The following CCDC178 variants were observed in gnomAD, a reference collection of about 807,000 sequenced individuals.
CCDC178 encodes the protein coiled-coil domain containing 178.
CCDC178 carries 126 observed loss-of-function variants against 117.4 expected under a neutral mutation model. That is an observed-to-expected ratio of 1.07 (90% CI 0.93 to 1.24). CCDC178 has a LOEUF of 1.24. Among genes scored for constraint, CCDC178 ranks in the 50% most tolerant of loss-of-function variants. The pLI is 0.00. For synonymous variants in CCDC178, 283 were observed against 313.4 expected (o/e 0.90, Z 1.02); for missense variants, 1,030 against 986.9 (o/e 1.04, Z -0.59).
At chr18:33,366,111 T>C (rs2063202306) in intron 6 of CCDC178, among the ~76,000 whole-genome samples, 1 of 152,054 alleles carries the variant, frequency 6.6e-6, no homozygotes, top group Admixed American at 6.6e-5. Flanking sequence ...GACTGATCTT[T>C]TACTCATTCA....
chr18:33,091,324 C>CTTTTTTTTTT (rs746505005), intron 21 of CCDC178, among the ~76,000 whole-genome samples: 2,076 of 43,870 alleles, frequency 0.047, 737 homozygotes, highest in East Asian at 0.069. Context: ...TTATTTCATT[C>CTTTTTTTTTT]TTTTTTTTTT....
intron 2 of CCDC178, among the ~76,000 whole-genome samples, chr18:33,430,392 G>A (rs1286333824): frequency 6.6e-6 from 1 of 152,122 alleles, no homozygotes; most frequent in Non-Finnish European, 1.5e-5. Context: ...TGTGTTCATT[G>A]CACAATTTCC....
chr18:33,210,590 A>G (rs556962427), intron 20 of CCDC178, among the ~76,000 whole-genome samples: 1 of 152,194 alleles, frequency 6.6e-6, no homozygotes, highest in South Asian at 2.1e-4. Context: ...TTGAATTCAA[A>G]TAACTAATTC....
At chr18:33,354,576 T>C (rs1473452156) in intron 7 of CCDC178, among the ~76,000 whole-genome samples, 1 of 152,010 alleles carries the variant, frequency 6.6e-6, no homozygotes, top group African/African-American at 2.4e-5. Context: ...GTGAAGTTTT[T>C]AATTTCAGTT....
chr18:33,324,490 G>T (rs754143632), intron 10 of CCDC178, among the ~76,000 whole-genome samples: 1 of 151,868 alleles, frequency 6.6e-6, no homozygotes, highest in Non-Finnish European at 1.5e-5. Flanking sequence ...ATTAATATTG[G>T]TTGCCAAATT....
chr18:33,077,810 C>A (rs879641318), intron 21 of CCDC178, among the ~76,000 whole-genome samples: 7 of 152,038 alleles, frequency 4.6e-5, no homozygotes, highest in Non-Finnish European at 1.0e-4. Context: ...TCAAAAACAG[C>A]CCAGGACCAG....
chr18:33,403,385 C>T (rs1351133515), intron 3 of CCDC178, among the ~76,000 whole-genome samples: 1 of 151,876 alleles, frequency 6.6e-6, no homozygotes, highest in African/African-American at 2.4e-5. Context: ...CTACAAAAAT[C>T]AGCAGGGAAA....
chr18:33,160,925 C>T (rs1267921994), intron 20 of CCDC178, among the ~76,000 whole-genome samples: 1 of 152,098 alleles, frequency 6.6e-6, no homozygotes, highest in Non-Finnish European at 1.5e-5. Context: ...TAATTCTACC[C>T]TTTCTAGATT....
chr18:32,980,767 AAATACT>A (rs1366028546), intron 21 of CCDC178, among the ~76,000 whole-genome samples: 6 of 152,178 alleles, frequency 3.9e-5, no homozygotes, highest in Admixed American at 1.3e-4. Flanking sequence ...TCATATTGTC[AAATACT>A]AACAAAATCT....
intron 12 of CCDC178, among the ~76,000 whole-genome samples, chr18:33,292,589 TTGAATGTTACCAAAACAAAGAATGC>T: frequency 6.6e-6 from 1 of 152,182 alleles, no homozygotes; most frequent in East Asian, 2.0e-4. Flanking sequence ...GAGGGCGATT[TTGAATGTTACCAAAACAAAGAATGC>T]TGAATGTTAC....
chr18:33,319,437 A>C (rs1307290929), intron 11 of CCDC178, among the ~76,000 whole-genome samples: 1 of 152,000 alleles, frequency 6.6e-6, no homozygotes, highest in Non-Finnish European at 1.5e-5. Flanking sequence ...AATCCCGTCC[A>C]TCATTGATGG....
chr18:33,439,541 A>G (rs531056640), intron 2 of CCDC178, among the ~76,000 whole-genome samples: 1 of 152,386 alleles, frequency 6.6e-6, no homozygotes, highest in East Asian at 1.9e-4. Flanking sequence ...TAGTTTCTGT[A>G]CGAATGTCTA....
chr18:33,248,234 C>T (rs374124464), intron 14 of CCDC178, among the ~76,000 whole-genome samples: 32 of 151,702 alleles, frequency 2.1e-4, no homozygotes, highest in African/African-American at 6.5e-4. Flanking sequence ...GCTAAACTGA[C>T]GTAGCTTAAG....
intron 22 of CCDC178, among the ~76,000 whole-genome samples, chr18:32,967,159 A>G (rs1568186702): frequency 1.3e-5 from 2 of 151,688 alleles, no homozygotes; most frequent in Non-Finnish European, 3.0e-5. Flanking sequence ...ATCTGTGTTT[A>G]TATTAAATTA....
At chr18:33,071,440 C>CT (rs2057107160) in intron 21 of CCDC178, among the ~76,000 whole-genome samples, 1 of 152,006 alleles carries the variant, frequency 6.6e-6, no homozygotes, top group Non-Finnish European at 1.5e-5. Context: ...ATTTGGTTAT[C>CT]TGAGAAGATA....
chr18:33,185,257 A>C (rs1236797217), intron 20 of CCDC178, among the ~76,000 whole-genome samples: 4 of 152,044 alleles, frequency 2.6e-5, no homozygotes, highest in African/African-American at 7.2e-5. Context: ...AGGATGAACA[A>C]GAAGAGAAAA....
intron 12 of CCDC178, among the ~76,000 whole-genome samples, chr18:33,286,967 T>A (rs2060105585): frequency 6.6e-6 from 1 of 152,222 alleles, no homozygotes; most frequent in Non-Finnish European, 1.5e-5. Context: ...TTCTTTGTTT[T>A]ACATTTAAAA....
chr18:33,013,769 G>A, intron 21 of CCDC178, among the ~76,000 whole-genome samples: 1 of 152,060 alleles, frequency 6.6e-6, no homozygotes, highest in East Asian at 1.9e-4. Flanking sequence ...AAAAATCCAG[G>A]GAAGACTATA....
At chr18:32,945,068 T>C (rs2144601419) in intron 22 of CCDC178, among the ~76,000 whole-genome samples, 1 of 152,324 alleles carries the variant, frequency 6.6e-6, no homozygotes, top group African/African-American at 2.4e-5. Context: ...TTCATTTTAC[T>C]CATTGTTTGT....
Sources: allele counts gnomAD v4.1 joint callset (sites outside exome capture counted in the v4.1 genomes callset), GRCh38; gene constraint gnomAD v4.1.1; transcripts MANE v1.5; gene names NCBI Gene and HGNC (gene_info 2026-07-23, HGNC 2026-07-21).